The following CER1 variants were observed in gnomAD, a reference collection of about 807,000 sequenced individuals.
CER1 encodes the protein cerberus 1, DAN family BMP antagonist.
A neutral mutation model predicts 11.8 loss-of-function variants in CER1; 10 were observed. The observed-to-expected ratio is 0.85, with a 90% CI of 0.52 to 1.44. The LOEUF (loss-of-function observed/expected upper bound fraction) is 1.44. CER1 is among the 40% of genes most tolerant of loss of function. The pLI is 0.00. For missense variants in CER1, 431 were observed against 327.0 expected (o/e 1.32, Z -2.45); for synonymous variants, 141 against 122.3 (o/e 1.15, Z -1.01).
chr9:14,719,974 G>A lies in CER1; in HGVS notation c.*116C>T, dbSNP rs1016929654. ...CTCTATCGTTCTAATTTAAAACTACGTTTCAAGTCACCTTTCCCTGAAAAT... is the reference window on the plus strand; with the variant it reads ...CTCTATCGTTCTAATTTAAAACTACATTTCAAGTCACCTTTCCCTGAAAAT... On this transcript the variant is annotated 3_prime_UTR_variant, in exon 2 of 2. Transcript: ENST00000380911. The A allele has an allele frequency of 6.4e-6, 6 of 933,120 alleles. No individual in the cohort carries two copies. Among genetic ancestry groups the A allele is most frequent in the East Asian group, 2.5e-5 (1 of 40,052 alleles). 57.8% of individuals were successfully genotyped at this position (933,120 alleles called of 1,614,324 possible).
Position 14,722,168 on chromosome 9 carries a change from G to A in CER1, c.505C>T (p.Gln169Ter). Residue 169 changes from glutamine (Q) to a stop codon, truncating the protein, a stop_gained and splice_region_variant, in exon 1 of 2, where the codon CAG becomes TAG. Transcript: ENST00000380911. LOFTEE classifies it high-confidence loss of function. Reference protein sequence around the residue: ...WETCRTVPFSQTITHEGCEKV... With the variant: ...WETCRTVPFS ...TGCTCTCCCCCCAGAACACATACCT[G>A]GCTGAAGGGCACTGTCCTGCAGGTC... is the stretch of plus-strand genomic sequence containing the variant. 7 of 1,612,266 alleles carry A rather than the reference G, an allele frequency of 4.3e-6. No individual in the cohort carries two copies. The highest frequency in any genetic ancestry group is 5.1e-6 in the Non-Finnish European group (6 of 1,179,000).
chr9:14,719,601 TC>T, downstream of CER1: 1 of 150,448 alleles, frequency 6.6e-6, no homozygotes, highest in African/African-American at 2.5e-5. Context: ...CTTCCTTCCT[TC>T]CTTCCTTCCT....
chr9:14,722,693 C>G lies in CER1; in HGVS notation c.-21G>C. The G allele has an allele frequency of 6.3e-7, 1 of 1,575,494 alleles. No individual in the cohort carries two copies. Among genetic ancestry groups the G allele is most frequent in the Non-Finnish European group, 8.5e-7 (1 of 1,171,250 alleles). On this transcript the variant is annotated 5_prime_UTR_variant, in exon 1 of 2. Transcript: ENST00000380911. ...TGCATGCTGTCAGGGGCCCAAGCTT[C>G]TTTTGTAAATGATGAGGCCCAAAGG...
At position 14,722,211 on chromosome 9, in the gene CER1, G is replaced by A; in HGVS notation, c.462C>T (p.Ser154=). 1 of 1,614,178 alleles carries A rather than the reference G, an allele frequency of 6.2e-7. No individual in the cohort carries two copies. The highest frequency in any genetic ancestry group is 8.5e-7 in the Non-Finnish European group (1 of 1,180,036). Residue 154 remains serine, a synonymous_variant, in exon 1 of 2, where the codon AGC becomes AGT. Coordinates refer to ENST00000380911, the MANE Select transcript of CER1 (RefSeq NM_005454.3). ...ASQGVILPIK[S]HEVHWETCRT... is the part of the protein sequence containing the mutation. ...TGCAGGTCTCCCAATGTACTTCATG[G>A]CTTTTGATGGGCAAGATGACCCCCT...
At chr9:14,717,905 T>G (rs1431960033), downstream of CER1, among the ~76,000 whole-genome samples, 1 of 152,200 alleles carries the variant, frequency 6.6e-6, no homozygotes, top group Non-Finnish European at 1.5e-5. Flanking sequence ...CTTTATATAG[T>G]TTTTGTGAGG....
At chr9:14,722,093 C>T (rs930810649) in intron 1 of CER1, 73 bp downstream of exon 1, 3 of 1,506,908 alleles carry the variant, frequency 2.0e-6, no homozygotes, top group Admixed American at 4.1e-5. Flanking sequence ...AGCCTTTTCC[C>T]CTACTCTCCA....
In CER1 at chr9:14,722,683, G is replaced by C; in HGVS notation, c.-11C>G. 6.3e-7 allele frequency: 1 copy of C among 1,581,594 alleles called. No individual in the cohort carries two copies. Among genetic ancestry groups the C allele is most frequent in the Non-Finnish European group, 8.5e-7 (1 of 1,173,524 alleles). ...TAAGAGGAGATGCATGCTGTCAGGG[G>C]CCCAAGCTTCTTTTGTAAATGATGA... is the stretch of plus-strand genomic sequence containing the variant. On this transcript the variant is annotated 5_prime_UTR_variant, in exon 1 of 2. Transcript: ENST00000380911.
chr9:14,719,591 C>CTTCCTTCCTTCCTTCCTTCCTTCT (rs1839979174), downstream of CER1: 1 of 148,300 alleles, frequency 6.7e-6, no homozygotes, highest in Non-Finnish European at 1.5e-5. Context: ...TCCTTCCTTC[C>CTTCCTTCCTTCCTTCCTTCCTTCT]TTCCTTCCTT....
At chr9:14,721,845 G>A (rs1213449629) in intron 1 of CER1, among the ~76,000 whole-genome samples, 1 of 152,044 alleles carries the variant, frequency 6.6e-6, no homozygotes, top group Non-Finnish European at 1.5e-5. Context: ...GGTACAGTCT[G>A]ACTTATATCT....
Position 14,722,687 on chromosome 9 carries a change from A to C in CER1, c.-15T>G. 1 of 1,579,198 alleles carries C rather than the reference A, an allele frequency of 6.3e-7. No homozygotes were observed. Among genetic ancestry groups the C allele is most frequent in the Non-Finnish European group, 8.5e-7 (1 of 1,172,640 alleles). ...AGGAGATGCATGCTGTCAGGGGCCC[A>C]AGCTTCTTTTGTAAATGATGAGGCC... On this transcript the variant is annotated 5_prime_UTR_variant, in exon 1 of 2. Transcript: ENST00000380911.
At chr9:14,721,430 A>G (rs776499816) in intron 1 of CER1, among the ~76,000 whole-genome samples, 1 of 152,228 alleles carries the variant, frequency 6.6e-6, no homozygotes, top group South Asian at 2.1e-4. Context: ...AACATGAATC[A>G]GGAGAAAGGT....
rs753020136 is a variant in CER1, at chr9:14,722,154, C to T, written c.507+12G>A. The stretch of plus-strand genomic sequence containing the variant: ...TGCAAACTCTTACCTGCTCTCCCCC[C>T]AGAACACATACCTGGCTGAAGGGCA... On this transcript the variant is annotated intron_variant, in intron 1 of 1. Transcript: ENST00000380911. The T allele has an allele frequency of 5.0e-6, 8 of 1,608,362 alleles. No individual in the cohort carries two copies. The highest frequency in any genetic ancestry group is 2.7e-5 in the African/African-American group (2 of 74,890).
downstream of CER1, among the ~76,000 whole-genome samples, chr9:14,719,552 TGCC>T (rs1351221327): frequency 2.3e-3 from 191 of 83,790 alleles, no homozygotes; most frequent in African/African-American, 5.5e-3. Context: ...CCTGCCTGCC[TGCC>T]TGCCTGCCTT....
At chr9:14,719,553 G>GCATTCCTTCCTTCCTTCCTT (rs1252679801), downstream of CER1, among the ~76,000 whole-genome samples, 2 of 125,500 alleles carry the variant, frequency 1.6e-5, no homozygotes, top group Non-Finnish European at 3.4e-5. Flanking sequence ...CTGCCTGCCT[G>GCATTCCTTCCTTCCTTCCTT]CCTGCCTGCC....
chr9:14,719,689 T>C (rs2131789270), downstream of CER1: 1 of 165,364 alleles, frequency 6.0e-6, no homozygotes, highest in East Asian at 1.5e-4. Context: ...TTGACACACA[T>C]TAAAGAAGCC....
chr9:14,717,555 T>A (rs1839954414), downstream of CER1, among the ~76,000 whole-genome samples: 1 of 152,116 alleles, frequency 6.6e-6, no homozygotes. Flanking sequence ...CCAGCCTTAT[T>A]TTATATGAGA....
Position 14,720,267 on chromosome 9 carries a change from A to C in CER1, c.627T>G (p.Cys209Trp). The C allele has an allele frequency of 6.2e-7, 1 of 1,614,126 alleles. No individual in the cohort carries two copies. Among genetic ancestry groups the C allele is most frequent in the Non-Finnish European group, 8.5e-7 (1 of 1,180,028 alleles). The part of the protein sequence containing the change: ...AQHSHTSCSH[C>W]LPAKFTTMHL... ...GCATCGTGGTGAACTTGGCAGGCAA[A>C]CAGTGAGAGCAGGAGGTATGGGAGT... Residue 209 changes from cysteine (C) to tryptophan (W), a missense_variant, in exon 2 of 2, where the codon TGT becomes TGG. Coordinates refer to ENST00000380911, the MANE Select transcript of CER1 (RefSeq NM_005454.3).
chr9:14,721,727 T>C (rs989549298), intron 1 of CER1, among the ~76,000 whole-genome samples: 2 of 152,186 alleles, frequency 1.3e-5, no homozygotes, highest in African/African-American at 4.8e-5. Context: ...GCACCCCACT[T>C]TATCAACAAA....
At position 14,720,350 on chromosome 9, in the gene CER1, G is replaced by C; in HGVS notation, c.544C>G (p.Gln182Glu). The change falls in exon 2 of 2, where the codon CAG (glutamine) becomes GAG (glutamate). Residue 182 changes from glutamine to glutamate, a missense_variant. Transcript: ENST00000380911. ...CATTTCCCAAAGCAAAGGTTGTTCT[G>C]AACAACTACTTTTTCACAGCCTTCG... The part of the protein sequence containing the change: ...THEGCEKVVV[Q>E]NNLCFGKCGS... 1 of 1,613,048 alleles carries C rather than the reference G, an allele frequency of 6.2e-7. No individual in the cohort carries two copies. Among genetic ancestry groups the C allele is most frequent in the Non-Finnish European group, 8.5e-7 (1 of 1,179,442 alleles).
Sources: allele counts gnomAD v4.1 joint callset (sites outside exome capture counted in the v4.1 genomes callset), GRCh38; gene constraint gnomAD v4.1.1; transcripts MANE v1.5; gene names NCBI Gene and HGNC (gene_info 2026-07-23, HGNC 2026-07-21).